Variants in NDUFA13 observed in about 807,000 individuals in gnomAD.
NDUFA13 encodes the protein NADH:ubiquinone oxidoreductase subunit A13.
A neutral mutation model predicts 17.0 loss-of-function variants in NDUFA13; 16 were observed. The observed-to-expected ratio is 0.94, with a 90% CI of 0.64 to 1.43. NDUFA13 has a LOEUF of 1.43. Among genes scored for constraint, NDUFA13 ranks in the 40% most tolerant of loss-of-function variants. The pLI is 0.00. For missense variants in NDUFA13, 228 were observed against 206.7 expected, an observed-to-expected ratio of 1.10 and a Z score of -0.63; for synonymous variants, 87 against 78.4, an observed-to-expected ratio of 1.11 and a Z score of -0.58.
intron 1 of NDUFA13, among the ~76,000 whole-genome samples, chr19:19,519,040 G>A (rs1250839382): frequency 2.6e-5 from 3 of 113,424 alleles, no homozygotes; most frequent in East Asian, 2.3e-4. Flanking sequence ...CACTGGGCCC[G>A]GCCTATTTTT....
intron 2 of NDUFA13, 145 bp from the exon 3 acceptor site, chr19:19,527,136 C>T (rs990328829): frequency 7.8e-5 from 71 of 912,694 alleles, no homozygotes; most frequent in South Asian, 3.5e-4. Flanking sequence ...TTGCCCTTCC[C>T]GCGACCCTCG....
Position 19,527,299 on chromosome 19 carries a change from CT to C in NDUFA13, c.194del (p.Phe65SerfsTer34), listed in dbSNP as rs2061105702. On this transcript the variant is annotated frameshift_variant, in exon 3 of 5. Coordinates refer to ENST00000507754, the MANE Select transcript of NDUFA13 (RefSeq NM_015965.7). LOFTEE classifies it high-confidence loss of function. ...TTCACAGGCGCCTACAAATCGAGGA[CT>C]TCGAGGCTCGCATCGCGCTGTTGCC... ...RERRRLQIED[F>X]EARIALLPLL... is the part of the protein sequence containing the mutation. 1 of 1,613,984 alleles carries C rather than the reference CT, an allele frequency of 6.2e-7. No homozygotes were observed. The highest frequency in any genetic ancestry group is 8.5e-7 in the Non-Finnish European group (1 of 1,180,018).
intron 1 of NDUFA13, among the ~76,000 whole-genome samples, chr19:19,518,603 A>AG (rs2061061293): frequency 6.7e-6 from 1 of 149,044 alleles, no homozygotes. Context: ...TTGCTCTGTC[A>AG]CCCAGGCTGG....
chr19:19,522,477 C>CTTTTTTTTTT (rs3067694), intron 1 of NDUFA13, among the ~76,000 whole-genome samples: 3,149 of 94,894 alleles, frequency 0.033, 635 homozygotes, highest in African/African-American at 0.12. Context: ...GTCTTTGATC[C>CTTTTTTTTTT]TTTTTTTTTT....
rs202051658 is a variant in NDUFA13, at chr19:19,521,663, C to T, written c.95-4519C>T. Among the ~76,000 whole-genome samples, 53 of 152,102 alleles carry T rather than the reference C, an allele frequency of 3.5e-4. No homozygotes were observed. In the East Asian group the frequency reaches 4.6e-3, roughly 13 times the overall value. On this transcript the variant is annotated intron_variant, in intron 1 of 4. Transcript: ENST00000507754. ...TGTCGCCCGGGCTGGAGTGTAGTGGCACGATCTCTGCTCACTGCAAGCTCC... is the reference window on the plus strand; with the variant it reads ...TGTCGCCCGGGCTGGAGTGTAGTGGTACGATCTCTGCTCACTGCAAGCTCC...
chr19:19,523,649 G>A lies in NDUFA13; in HGVS notation c.95-2533G>A, dbSNP rs1226825543. Among the ~76,000 whole-genome samples the A allele has an allele frequency of 3.9e-5, 6 of 152,152 alleles. 1 individual carries two copies. The South Asian group carries it at 1.2e-3, about 32-fold the overall frequency. On this transcript the variant is annotated intron_variant, in intron 1 of 4. Transcript: ENST00000507754. ...AATTTAAAAATATGTATTTTGGGCCGGGCATGGTGGCTCATGCCTGTAATC... is the reference window on the plus strand; with the variant it reads ...AATTTAAAAATATGTATTTTGGGCCAGGCATGGTGGCTCATGCCTGTAATC...
At chr19:19,518,573 T>TC (rs1434627488) in intron 1 of NDUFA13, among the ~76,000 whole-genome samples, 4 of 149,680 alleles carry the variant, frequency 2.7e-5, no homozygotes, top group Non-Finnish European at 5.9e-5. Context: ...TGTGTGTGTT[T>TC]TTTTTTTTTA....
At chr19:19,518,712 C>T (rs931054736) in intron 1 of NDUFA13, among the ~76,000 whole-genome samples, 25 of 139,184 alleles carry the variant, frequency 1.8e-4, no homozygotes, top group African/African-American at 2.6e-4. Flanking sequence ...TACAGGTGGG[C>T]GCCACCATGC....
At position 19,516,278 on chromosome 19, in the gene NDUFA13, G is replaced by A. The variant is rs571749182; in HGVS notation, c.40G>A (p.Gly14Arg). Reference sequence around the variant, plus strand: ...GGTGAAGCAGGACATGCCTCCGCCGGGGGGCTATGGGCCCATCGACTACAA... The same window carrying A: ...GGTGAAGCAGGACATGCCTCCGCCGAGGGGCTATGGGCCCATCGACTACAA... ...SKVKQDMPPP[G>R]GYGPIDYKRN... is the part of the protein sequence containing the mutation. The change falls in exon 1 of 5, where the codon GGG (glycine) becomes AGG (arginine). Residue 14 changes from glycine to arginine, a missense_variant. Gly to Arg is a moderately radical substitution (Grantham distance 125). Coordinates refer to ENST00000507754, the MANE Select transcript of NDUFA13 (RefSeq NM_015965.7). 5.6e-6 allele frequency: 9 copies of A among 1,613,956 alleles called. No individual in the cohort carries two copies. In the African/African-American group the frequency reaches 6.7e-5, roughly 12 times the overall value.
At position 19,518,596 on chromosome 19, in the gene NDUFA13, C is replaced by T. The variant is rs1244165667; in HGVS notation, c.94+2264C>T. Among the ~76,000 whole-genome samples, 5 of 136,564 alleles carry T rather than the reference C, an allele frequency of 3.7e-5. No individual in the cohort carries two copies. In the East Asian group the frequency reaches 1.1e-3, roughly 31 times the overall value. The allele number at this position is 136,564 out of a possible 152,430, so 89.6% of individuals were successfully genotyped here. A position where few individuals can be genotyped will look rare whatever the true frequency, so the allele number is the denominator to read the frequency against. ...TTTTTTTTTTTTAGACCAGGTCTTG[C>T]TCTGTCACCCAGGCTGGAGTGCAGT... On this transcript the variant is annotated intron_variant, in intron 1 of 4. Transcript: ENST00000507754.
Position 19,528,072 on chromosome 19 carries a change from G to A in NDUFA13, c.381G>A (p.Leu127=). The A allele has an allele frequency of 6.2e-7, 1 of 1,612,042 alleles. No individual in the cohort carries two copies. The highest frequency in any genetic ancestry group is 8.5e-7 in the Non-Finnish European group (1 of 1,179,910). Residue 127 remains leucine (L), a synonymous_variant, in exon 5 of 5, where the codon CTG becomes CTA. Coordinates refer to ENST00000507754, the MANE Select transcript of NDUFA13 (RefSeq NM_015965.7). ...VPPLIGELYG[L]RTTEEALHAS... is the part of the protein sequence containing the mutation. ...CCTTGATCGGGGAGCTGTACGGGCTGCGCACCACAGAGGAGGCTCTCCATG... is the reference window on the plus strand; with the variant it reads ...CCTTGATCGGGGAGCTGTACGGGCTACGCACCACAGAGGAGGCTCTCCATG...
Position 19,527,864 on chromosome 19 carries a change from A to AC in NDUFA13, c.315+96dup, listed in dbSNP as rs775504394. Reference sequence around the variant, plus strand: ...CACAGCTTTCTATAGAAACCCCAGGACCAAGGGGGTGGTGGGTGCCAGGTC... The same window carrying AC: ...CACAGCTTTCTATAGAAACCCCAGGACCCAAGGGGGTGGTGGGTGCCAGGTC... On this transcript the variant is annotated intron_variant, in intron 4 of 4. Coordinates refer to ENST00000507754, the MANE Select transcript of NDUFA13 (RefSeq NM_015965.7). 1.3e-5 allele frequency: 19 copies of AC among 1,480,710 alleles called. No homozygotes were observed. The African/African-American group carries it at 2.5e-4, about 19-fold the overall frequency. The allele number at this position is 1,480,710 out of a possible 1,614,324, so 91.7% of individuals were successfully genotyped here. A position where few individuals can be genotyped will look rare whatever the true frequency, so the allele number is the denominator to read the frequency against.
At chr19:19,525,915 G>A (rs1327660739) in intron 1 of NDUFA13, 10 of 929,024 alleles carry the variant, frequency 1.1e-5, no homozygotes, top group African/African-American at 8.4e-5. Flanking sequence ...CCAGCCTGCC[G>A]CCCAGGGTCC....
intron 1 of NDUFA13, 86 bp from the exon 2 acceptor site, chr19:19,526,096 C>G (rs1276522840): frequency 6.4e-7 from 1 of 1,570,628 alleles, no homozygotes; most frequent in Non-Finnish European, 8.6e-7. Context: ...CCAGTGTCCC[C>G]TGATTGCAGA....
intron 3 of NDUFA13, 169 bp from the exon 4 acceptor site, chr19:19,527,532 C>T (rs2061107947): frequency 5.3e-6 from 5 of 950,128 alleles, no homozygotes; most frequent in Non-Finnish European, 8.2e-6. Flanking sequence ...GGAAGGCTTC[C>T]TGGAGGAGGA....
intron 1 of NDUFA13, among the ~76,000 whole-genome samples, chr19:19,524,977 C>T (rs1402275768): frequency 6.6e-6 from 1 of 152,066 alleles, no homozygotes; most frequent in Non-Finnish European, 1.5e-5. Flanking sequence ...TTGGAGGCTG[C>T]ATTGAGCCAT....
chr19:19,527,853 G>T, intron 4 of NDUFA13, 83 bp downstream of exon 4: 1 of 1,497,320 alleles, frequency 6.7e-7, no homozygotes. Flanking sequence ...GCTTTCTATA[G>T]AAACCCCAGG....
rs759591224 is a variant in NDUFA13 at position 19,527,231 on chromosome 19, C to T, written c.174-50C>T. On this transcript the variant is annotated intron_variant, in intron 2 of 4. Transcript: ENST00000507754. The stretch of plus-strand genomic sequence containing the variant: ...CCCTGAGGTCTGTGCTGCCTGTGCT[C>T]CCCCGACCTAGCCTGGTCTGACCTG... 6 of 1,601,962 alleles carry T rather than the reference C, an allele frequency of 3.7e-6. No homozygotes were observed. The African/African-American group carries it at 5.4e-5, about 14-fold the overall frequency.
At chr19:19,527,675 C>T (rs1375385290) in intron 3 of NDUFA13, 26 bp from the exon 4 acceptor site, 8 of 1,544,222 alleles carry the variant, frequency 5.2e-6, no homozygotes, top group African/African-American at 1.4e-5. Flanking sequence ...GAGGCCCCAC[C>T]CCCACCATCG....
Sources: allele counts gnomAD v4.1 joint callset (sites outside exome capture counted in the v4.1 genomes callset), GRCh38; gene constraint gnomAD v4.1.1; transcripts MANE v1.5; gene names NCBI Gene and HGNC (gene_info 2026-07-23, HGNC 2026-07-21).